Variants in CNTNAP2 observed in about 807,000 individuals in gnomAD.
CNTNAP2 encodes contactin-associated protein-like 2.
A neutral mutation model predicts 155.2 loss-of-function variants in CNTNAP2; 98 were observed. That is an observed-to-expected ratio of 0.63 (90% CI 0.54 to 0.75). The LOEUF is 0.75. Among genes scored for constraint, CNTNAP2 ranks in the 30% least tolerant of loss-of-function variants. The pLI is 0.00. For missense variants in CNTNAP2, 1,727 were observed against 1,688.1 expected (o/e 1.02, Z -0.40); for synonymous variants, 651 against 631.2 (o/e 1.03, Z -0.47).
chr7:147,292,163 T>C (rs1041495187), intron 8 of CNTNAP2, among the ~76,000 whole-genome samples: 4 of 152,186 alleles, frequency 2.6e-5, no homozygotes, highest in African/African-American at 7.2e-5. Context: ...CCTGAAAATA[T>C]TCTGTTTTCT....
rs1426986918 is a variant in CNTNAP2, at chr7:146,205,101, A to G, written c.97+88128A>G. On this transcript the variant is annotated intron_variant, in intron 1 of 23. Transcript: ENST00000361727. ...CAAGTGTTTTAATTATCTTCCTGTGATTTTCTGTCTAAATATGAAGATATC... is the reference window on the plus strand; with the variant it reads ...CAAGTGTTTTAATTATCTTCCTGTGGTTTTCTGTCTAAATATGAAGATATC... Among the ~76,000 whole-genome samples, 3 of 151,926 alleles carry G rather than the reference A, an allele frequency of 2.0e-5. No individual in the cohort carries two copies. The South Asian group carries it at 6.2e-4, about 31-fold the overall frequency.
At chr7:146,889,065 A>G (rs1795728722) in intron 3 of CNTNAP2, among the ~76,000 whole-genome samples, 1 of 152,070 alleles carries the variant, frequency 6.6e-6, no homozygotes, top group Admixed American at 6.6e-5. Context: ...ACTGATAGAT[A>G]TGTTTATTGC....
In CNTNAP2 at chr7:146,791,238, G is replaced by C. The variant is rs547011448; in HGVS notation, c.208+16857G>C. 5.5e-4 allele frequency among the ~76,000 whole-genome samples: 84 copies of C among 152,212 alleles called. No individual in the cohort carries two copies. The South Asian group carries it at 0.016, about 30-fold the overall frequency. On this transcript the variant is annotated intron_variant, in intron 2 of 23. Transcript: ENST00000361727. ...AGTTTGCTGAGAATGGCGGTTTCCA[G>C]CTTCATCCATGTCCCTGCAAAGGAC...
intron 21 of CNTNAP2, among the ~76,000 whole-genome samples, chr7:148,322,356 G>C (rs899556200): frequency 1.3e-5 from 2 of 152,164 alleles, no homozygotes; most frequent in African/African-American, 2.4e-5. Context: ...CACTCTGAGG[G>C]AAACTCGAGA....
At chr7:148,402,331 G>C (rs1397879600) in intron 22 of CNTNAP2, among the ~76,000 whole-genome samples, 2 of 151,818 alleles carry the variant, frequency 1.3e-5, no homozygotes, top group Admixed American at 6.6e-5. Flanking sequence ...TTTTTTTTTA[G>C]AAACTAGGAA....
At chr7:146,480,232 C>T (rs1796939120) in intron 1 of CNTNAP2, among the ~76,000 whole-genome samples, 1 of 151,880 alleles carries the variant, frequency 6.6e-6, no homozygotes, top group East Asian at 1.9e-4. Flanking sequence ...ATATAAAGTC[C>T]AAAAGGGTAA....
intron 21 of CNTNAP2, among the ~76,000 whole-genome samples, chr7:148,272,419 G>T (rs1256839150): frequency 2.6e-5 from 4 of 152,104 alleles, no homozygotes; most frequent in Non-Finnish European, 5.9e-5. Flanking sequence ...CCGAAAGTGG[G>T]GTGTTCTGTT....
chr7:148,076,340 G>A (rs1009304788), intron 15 of CNTNAP2, among the ~76,000 whole-genome samples: 6 of 145,334 alleles, frequency 4.1e-5, no homozygotes, highest in Admixed American at 1.4e-4. Flanking sequence ...ACAATGCCCC[G>A]CAACAAAGAA....
intron 10 of CNTNAP2, among the ~76,000 whole-genome samples, chr7:147,401,824 A>G (rs1796918797): frequency 6.6e-6 from 1 of 152,148 alleles, no homozygotes; most frequent in African/African-American, 2.4e-5. Flanking sequence ...GCCTTCTGCC[A>G]TGATTATAAG....
chr7:147,750,047 G>C (rs1481801836), intron 13 of CNTNAP2, among the ~76,000 whole-genome samples: 1 of 152,148 alleles, frequency 6.6e-6, no homozygotes, highest in Non-Finnish European at 1.5e-5. Context: ...TTCAGTGGAT[G>C]CAATACAGCC....
intron 1 of CNTNAP2, among the ~76,000 whole-genome samples, chr7:146,413,942 T>G (rs940961): frequency 0.036 from 5,407 of 152,252 alleles, 340 homozygotes; most frequent in African/African-American, 0.12. Flanking sequence ...TTAACGACCT[T>G]ATAGACCAGG....
intron 8 of CNTNAP2, among the ~76,000 whole-genome samples, chr7:147,295,667 A>T (rs1459362946): frequency 6.6e-6 from 1 of 152,174 alleles, no homozygotes; most frequent in Non-Finnish European, 1.5e-5. Flanking sequence ...TTCTTACAAG[A>T]TGTAGACAAA....
At chr7:146,242,971 C>G (rs913436510) in intron 1 of CNTNAP2, among the ~76,000 whole-genome samples, 3 of 152,084 alleles carry the variant, frequency 2.0e-5, no homozygotes, top group Non-Finnish European at 4.4e-5. Context: ...ATCTATTTAA[C>G]AATTTTGTGC....
At chr7:146,852,524 A>C (rs571377907) in intron 3 of CNTNAP2, among the ~76,000 whole-genome samples, 1 of 152,278 alleles carries the variant, frequency 6.6e-6, no homozygotes, top group African/African-American at 2.4e-5. Flanking sequence ...TCCTACTTTC[A>C]AACTCCATAC....
chr7:147,981,032 A>T (rs898362230), intron 15 of CNTNAP2, among the ~76,000 whole-genome samples: 1 of 151,748 alleles, frequency 6.6e-6, no homozygotes, highest in Non-Finnish European at 1.5e-5. Context: ...TACATATGTG[A>T]TCTCCCTGGT....
intron 8 of CNTNAP2, among the ~76,000 whole-genome samples, chr7:147,298,340 C>CT (rs1794875970): frequency 6.6e-6 from 1 of 151,986 alleles, no homozygotes; most frequent in African/African-American, 2.4e-5. Context: ...GGGAGAATCA[C>CT]TTGAACCCAG....
chr7:148,047,511 G>C (rs1802795963), intron 15 of CNTNAP2, among the ~76,000 whole-genome samples: 1 of 152,120 alleles, frequency 6.6e-6, no homozygotes, highest in Non-Finnish European at 1.5e-5. Context: ...CACTGCGCTT[G>C]GGGGCCATTT....
intron 9 of CNTNAP2, among the ~76,000 whole-genome samples, chr7:147,362,898 A>T (rs974797602): frequency 3.3e-5 from 5 of 152,316 alleles, no homozygotes; most frequent in Middle Eastern, 6.8e-3. Context: ...AAAAAAATTA[A>T]AAAAATCAAG....
At chr7:146,632,049 T>C in intron 1 of CNTNAP2, among the ~76,000 whole-genome samples, 1 of 152,172 alleles carries the variant, frequency 6.6e-6, no homozygotes, top group East Asian at 1.9e-4. Context: ...GAGCATATTC[T>C]GCAAACAAGG....
Sources: allele counts gnomAD v4.1 joint callset (sites outside exome capture counted in the v4.1 genomes callset), GRCh38; gene constraint gnomAD v4.1.1; transcripts MANE v1.5; gene names NCBI Gene and HGNC (gene_info 2026-07-23, HGNC 2026-07-21).